AGBL4: variants seen among roughly 807,000 people sequenced by gnomAD.
The protein encoded by AGBL4 is cytosolic carboxypeptidase 6.
Under a neutral mutation model 66.4 loss-of-function variants are expected in AGBL4, and 58 were observed. That is an observed-to-expected ratio of 0.87 (90% confidence interval 0.71 to 1.09). The LOEUF is 1.09. Ranked by LOEUF, AGBL4 falls within the 50% of genes least tolerant of loss-of-function variation. AGBL4 has a pLI of 0.00. For synonymous variants in AGBL4, 234 were observed against 222.9 expected (o/e 1.05, Z -0.44); for missense variants, 579 against 631.0 (o/e 0.92, Z 0.88).
intron 4 of AGBL4, among the ~76,000 whole-genome samples, chr1:49,233,899 C>T (rs938378997): frequency 6.6e-6 from 1 of 152,198 alleles, no homozygotes; most frequent in Non-Finnish European, 1.5e-5. Flanking sequence ...GGCCATTAAA[C>T]TACAGGTTAG....
chr1:49,568,487 T>TCTCACACACACACA (rs373075739), intron 3 of AGBL4, among the ~76,000 whole-genome samples: 5 of 131,206 alleles, frequency 3.8e-5, no homozygotes, highest in Admixed American at 1.6e-4. Flanking sequence ...AAATAAGTGA[T>TCTCACACACACACA]CACACACACA....
intron 2 of AGBL4, among the ~76,000 whole-genome samples, chr1:49,729,987 C>G (rs1649311733): frequency 1.3e-5 from 2 of 152,092 alleles, no homozygotes; most frequent in Non-Finnish European, 2.9e-5. Context: ...GTTTCCCACT[C>G]TTTCCTCATT....
intron 4 of AGBL4, among the ~76,000 whole-genome samples, chr1:49,144,281 G>A (rs915230680): frequency 6.6e-6 from 1 of 152,050 alleles, no homozygotes; most frequent in Non-Finnish European, 1.5e-5. Flanking sequence ...CAGAAGAGAT[G>A]GCCTGAGGGG....
intron 4 of AGBL4, among the ~76,000 whole-genome samples, chr1:49,198,552 C>T (rs534262464): frequency 1.3e-5 from 2 of 152,092 alleles, no homozygotes; most frequent in South Asian, 4.2e-4. Context: ...GTTGGCCAGG[C>T]TGGTCTAGAA....
chr1:49,834,279 AG>A (rs1645784301), intron 2 of AGBL4, among the ~76,000 whole-genome samples: 1 of 152,164 alleles, frequency 6.6e-6, no homozygotes, highest in African/African-American at 2.4e-5. Flanking sequence ...TGGTCTATTC[AG>A]GGATTCAACT....
intron 11 of AGBL4, among the ~76,000 whole-genome samples, chr1:48,562,343 C>A (rs930989364): frequency 6.6e-6 from 1 of 152,166 alleles, no homozygotes; most frequent in Non-Finnish European, 1.5e-5. Context: ...CAGTGAGGTG[C>A]CTGTCCATGG....
intron 4 of AGBL4, among the ~76,000 whole-genome samples, chr1:49,085,619 G>A (rs1644892495): frequency 6.6e-6 from 1 of 151,892 alleles, no homozygotes; most frequent in Admixed American, 6.5e-5. Context: ...AACCATGTCA[G>A]GATCCATCAA....
At chr1:49,976,160 C>G (rs1033013918) in intron 1 of AGBL4, among the ~76,000 whole-genome samples, 4 of 152,184 alleles carry the variant, frequency 2.6e-5, no homozygotes, top group Admixed American at 1.3e-4. Flanking sequence ...ATTGAGCCAA[C>G]TAACAACTAG....
chr1:48,542,638 T>G (rs1644092955), intron 11 of AGBL4, among the ~76,000 whole-genome samples: 1 of 152,270 alleles, frequency 6.6e-6, no homozygotes. Flanking sequence ...CATAAATTTC[T>G]TCTTTGGAGA....
intron 6 of AGBL4, among the ~76,000 whole-genome samples, chr1:48,787,501 T>G (rs2148725425): frequency 6.6e-6 from 1 of 152,334 alleles, no homozygotes; most frequent in Admixed American, 6.5e-5. Context: ...CACAAAGGAA[T>G]ACTTATTAAT....
intron 1 of AGBL4, among the ~76,000 whole-genome samples, chr1:49,925,372 G>C (rs1435972609): frequency 1.3e-5 from 2 of 152,126 alleles, no homozygotes; most frequent in Non-Finnish European, 2.9e-5. Context: ...GTTGAGCCCT[G>C]AATAATCATC....
chr1:49,648,525 C>T (rs1434237930), intron 3 of AGBL4, among the ~76,000 whole-genome samples: 1 of 151,762 alleles, frequency 6.6e-6, no homozygotes, highest in Non-Finnish European at 1.5e-5. Flanking sequence ...TCACAGAACA[C>T]CAAGCAGGAT....
chr1:49,586,451 A>G (rs902713349), intron 3 of AGBL4, among the ~76,000 whole-genome samples: 3 of 152,208 alleles, frequency 2.0e-5, no homozygotes, highest in African/African-American at 7.2e-5. Flanking sequence ...AATTTACAAA[A>G]ACATTCACAT....
intron 3 of AGBL4, among the ~76,000 whole-genome samples, chr1:49,465,345 T>C (rs946427218): frequency 6.6e-6 from 1 of 151,338 alleles, no homozygotes; most frequent in Non-Finnish European, 1.5e-5. Context: ...TAACAGATCT[T>C]AGGCAGGTCA....
At chr1:48,734,143 G>C (rs1023044961) in intron 6 of AGBL4, among the ~76,000 whole-genome samples, 3 of 152,162 alleles carry the variant, frequency 2.0e-5, no homozygotes, top group African/African-American at 7.2e-5. Context: ...CAAGACGAAA[G>C]GTTACCTCTG....
At chr1:48,758,913 CA>C in intron 6 of AGBL4, 1 of 1,530,322 alleles carries the variant, frequency 6.5e-7, no homozygotes. Flanking sequence ...TGCCAAGCCG[CA>C]GGAGCAGCAC....
rs879284258 is a variant in AGBL4, at chr1:49,180,977, GCT to G, written c.377+64791_377+64792del. Among the ~76,000 whole-genome samples, 652 of 152,228 alleles carry G rather than the reference GCT, an allele frequency of 4.3e-3. 4 individuals are homozygous for G. The highest frequency in any genetic ancestry group is 0.014 in the Admixed American group (207 of 15,288). ...TTTTCAACACAATGTTTTAAATATG[GCT>G]TGGAAAAACCTCTCCTCAGCATGGT... is the stretch of plus-strand genomic sequence containing the variant. On this transcript the variant is annotated intron_variant, in intron 4 of 13. Coordinates refer to ENST00000371839, the MANE Select transcript of AGBL4 (RefSeq NM_032785.4).
At chr1:48,776,312 A>T (rs1296908759) in intron 6 of AGBL4, among the ~76,000 whole-genome samples, 1 of 152,226 alleles carries the variant, frequency 6.6e-6, no homozygotes, top group Admixed American at 6.5e-5. Context: ...AGGAACGAAG[A>T]AAACACAAAG....
At chr1:49,359,637 G>T (rs191795380) in intron 3 of AGBL4, among the ~76,000 whole-genome samples, 4 of 152,216 alleles carry the variant, frequency 2.6e-5, no homozygotes, top group Admixed American at 2.0e-4. Flanking sequence ...TCTCCACTGC[G>T]TGCATGGAGA....
Sources: allele counts gnomAD v4.1 joint callset (sites outside exome capture counted in the v4.1 genomes callset), GRCh38; gene constraint gnomAD v4.1.1; transcripts MANE v1.5; gene names NCBI Gene and HGNC (gene_info 2026-07-23, HGNC 2026-07-21).